Variants in PTPRE observed in about 807,000 individuals in gnomAD.
PTPRE encodes the protein receptor-type tyrosine-protein phosphatase epsilon.
A neutral mutation model predicts 102.0 loss-of-function variants in PTPRE; 51 were observed. The ratio of observed to expected loss-of-function variants is 0.50; its 90% confidence interval spans 0.40 to 0.63. The LOEUF (loss-of-function observed/expected upper bound fraction) is 0.63, where lower values mean the gene tolerates loss of function less well. PTPRE is among the 30% of genes least tolerant of loss of function. PTPRE has a pLI of 0.00. For missense variants in PTPRE, 752 were observed against 915.1 expected (o/e 0.82, Z 2.30); for synonymous variants, 345 against 348.2 (o/e 0.99, Z 0.10).
intron 2 of PTPRE, among the ~76,000 whole-genome samples, chr10:128,006,259 T>C (rs1480459260): frequency 6.6e-6 from 1 of 152,180 alleles, no homozygotes; most frequent in African/African-American, 2.4e-5. Context: ...CCACTTTCAC[T>C]CTGAAGTTCT....
rs187170503 is a variant in PTPRE, at chr10:127,973,055, C to T, written c.-30-9219C>T. Reference sequence around the variant, plus strand: ...AGCTGACCTTTCTAGGTAGACAAAACAGAATGCCTGTCAAACATTACACTT... The same window carrying T: ...AGCTGACCTTTCTAGGTAGACAAAATAGAATGCCTGTCAAACATTACACTT... On this transcript the variant is annotated intron_variant, in intron 1 of 20. Coordinates refer to ENST00000254667, the MANE Select transcript of PTPRE (RefSeq NM_006504.6). Among the ~76,000 whole-genome samples the T allele has an allele frequency of 7.2e-5, 11 of 152,350 alleles. No homozygotes were observed. The East Asian group carries it at 2.1e-3, about 29-fold the overall frequency.
At chr10:128,018,007 C>T (rs1340875042) in intron 2 of PTPRE, among the ~76,000 whole-genome samples, 6 of 152,312 alleles carry the variant, frequency 3.9e-5, no homozygotes, top group African/African-American at 1.4e-4. Flanking sequence ...GGGGCTGTGA[C>T]ACAGGAGGGT....
At chr10:128,049,880 G>T (rs1221086979) in intron 6 of PTPRE, among the ~76,000 whole-genome samples, 2 of 152,182 alleles carry the variant, frequency 1.3e-5, no homozygotes, top group African/African-American at 4.8e-5. Context: ...AGTTGAGTTA[G>T]AGGTTTGTGA....
intron 19 of PTPRE, 152 bp from the exon 20 acceptor site, chr10:128,079,408 A>G: frequency 9.8e-7 from 1 of 1,018,580 alleles, no homozygotes; most frequent in Non-Finnish European, 1.4e-6. Context: ...GTTACACTAC[A>G]TACAAATGAT....
At chr10:128,044,803 G>C (rs532207875) in intron 3 of PTPRE, among the ~76,000 whole-genome samples, 1 of 152,234 alleles carries the variant, frequency 6.6e-6, no homozygotes, top group Non-Finnish European at 1.5e-5. Flanking sequence ...GGACCACATT[G>C]GTGCCCAGAG....
intron 2 of PTPRE, among the ~76,000 whole-genome samples, chr10:128,034,423 C>G (rs1590082552): frequency 6.6e-6 from 1 of 151,698 alleles, no homozygotes. Flanking sequence ...ATGGTGGTGG[C>G]TCACACCTGT....
chr10:128,048,973 C>T lies in PTPRE; in HGVS notation c.284-557C>T, dbSNP rs919986050. Among the ~76,000 whole-genome samples the T allele has an allele frequency of 4.6e-5, 7 of 152,264 alleles. No homozygotes were observed. The South Asian group carries it at 1.5e-3, about 32-fold the overall frequency. On this transcript the variant is annotated intron_variant, in intron 5 of 20. Transcript: ENST00000254667. ...TGGGGAAGGAATGTGTCCAAGAACT[C>T]CCTTATAACGCGTACTTCTCCTTCT...
At chr10:127,984,531 T>A (rs190779225) in intron 2 of PTPRE, among the ~76,000 whole-genome samples, 4 of 152,340 alleles carry the variant, frequency 2.6e-5, no homozygotes, top group Admixed American at 2.6e-4. Flanking sequence ...CCTTGTCTGC[T>A]GCCTTTGTTT....
chr10:128,079,019 G>T (rs1468614076), intron 19 of PTPRE, among the ~76,000 whole-genome samples: 1 of 152,188 alleles, frequency 6.6e-6, no homozygotes, highest in African/African-American at 2.4e-5. Context: ...CATGGTAAAT[G>T]GAGATGACTC....
intron 2 of PTPRE, among the ~76,000 whole-genome samples, chr10:127,985,425 A>C (rs1852004022): frequency 6.6e-6 from 1 of 152,068 alleles, no homozygotes; most frequent in Admixed American, 6.5e-5. Context: ...TCTACTAAAA[A>C]TACAAAAATT....
chr10:127,942,554 G>A (rs764840051), intron 1 of PTPRE, among the ~76,000 whole-genome samples: 16 of 152,244 alleles, frequency 1.1e-4, no homozygotes, highest in Non-Finnish European at 2.1e-4. Context: ...AAAGGAAGGA[G>A]CTCCTCTCAT....
At chr10:128,046,699 C>T (rs368681836) in intron 3 of PTPRE, among the ~76,000 whole-genome samples, 1 of 152,124 alleles carries the variant, frequency 6.6e-6, no homozygotes, top group Non-Finnish European at 1.5e-5. Context: ...GCAGCGAGGC[C>T]ACCAGTGTCC....
chr10:128,033,441 C>A (rs1846940461), intron 2 of PTPRE, among the ~76,000 whole-genome samples: 1 of 152,122 alleles, frequency 6.6e-6, no homozygotes. Flanking sequence ...CATGGAATCC[C>A]AATACAACTT....
At chr10:127,989,481 C>G (rs958272403) in intron 2 of PTPRE, among the ~76,000 whole-genome samples, 7 of 152,198 alleles carry the variant, frequency 4.6e-5, no homozygotes, top group African/African-American at 1.4e-4. Flanking sequence ...CTTGTCACCT[C>G]TCCCTTAAAG....
chr10:128,010,598 T>TTTCTTTTCTTTTCTTTTTTTTTC (rs1554919851), intron 2 of PTPRE, among the ~76,000 whole-genome samples: 1 of 151,762 alleles, frequency 6.6e-6, no homozygotes, highest in Non-Finnish European at 1.5e-5. Context: ...TTTCTTTCCT[T>TTTCTTTTCTTTTCTTTTTTTTTC]TTGAGATGGA....
intron 6 of PTPRE, among the ~76,000 whole-genome samples, 156 bp downstream of exon 6, chr10:128,049,822 G>T (rs547893435): frequency 6.6e-6 from 1 of 152,256 alleles, no homozygotes; most frequent in Non-Finnish European, 1.5e-5. Flanking sequence ...CTGGTGTGTG[G>T]TGCAGTGCCC....
chr10:128,006,754 C>T (rs111813634), intron 2 of PTPRE, among the ~76,000 whole-genome samples: 4,746 of 152,226 alleles, frequency 0.031, 129 homozygotes, highest in South Asian at 0.12. Context: ...AATGAAGGGG[C>T]CTTTCCTGCA....
rs1022500323 is a variant in PTPRE at position 128,028,620 on chromosome 10, T to A, written c.-7-12255T>A. ...CCAGCAGAAGCGGCAGCCCCATCTGTCCCCGAGACCCCACCCCCTCAGGCA... is the reference window on the plus strand; with the variant it reads ...CCAGCAGAAGCGGCAGCCCCATCTGACCCCGAGACCCCACCCCCTCAGGCA... On this transcript the variant is annotated intron_variant, in intron 2 of 20. Coordinates refer to ENST00000254667, the MANE Select transcript of PTPRE (RefSeq NM_006504.6). The surrounding 1 kb of genome is among the most constrained non-coding windows in gnomAD (Gnocchi z 4.5). Among the ~76,000 whole-genome samples, 2 of 151,914 alleles carry A rather than the reference T, an allele frequency of 1.3e-5. No homozygotes were observed. The highest frequency in any genetic ancestry group is 2.9e-5 in the Non-Finnish European group (2 of 67,972).
At chr10:127,971,556 C>T (rs1850738274) in intron 1 of PTPRE, among the ~76,000 whole-genome samples, 1 of 152,246 alleles carries the variant, frequency 6.6e-6, no homozygotes, top group African/African-American at 2.4e-5. Context: ...CTCGCAGGTA[C>T]TAGCGCATTC....
Sources: allele counts gnomAD v4.1 joint callset (sites outside exome capture counted in the v4.1 genomes callset), GRCh38; gene constraint gnomAD v4.1.1; non-coding constraint Gnocchi (gnomAD v3.1); transcripts MANE v1.5; gene names NCBI Gene and HGNC (gene_info 2026-07-23, HGNC 2026-07-21).